The following SGCD variants were observed in gnomAD, a reference collection of about 807,000 sequenced individuals.
SGCD encodes the protein sarcoglycan delta, also known as delta-sarcoglycan.
Under a neutral mutation model 36.6 loss-of-function variants are expected in SGCD, and 18 were observed. The observed-to-expected ratio is 0.49, with a 90% CI of 0.34 to 0.73. SGCD has a LOEUF of 0.73. Ranked by LOEUF, SGCD falls within the 30% of genes least tolerant of loss-of-function variation. SGCD has a pLI of 0.01. For synonymous variants in SGCD, 133 were observed against 130.6 expected, an observed-to-expected ratio of 1.02 and a Z score of -0.12; for missense variants, 387 against 346.7, an observed-to-expected ratio of 1.12 and a Z score of -0.92.
intron 3 of SGCD, among the ~76,000 whole-genome samples, chr5:156,363,657 C>T (rs1769928896): frequency 6.6e-6 from 1 of 152,008 alleles, no homozygotes; most frequent in African/African-American, 2.4e-5. Context: ...TAAGCTGTTG[C>T]CTTTGCAGAG....
intron 3 of SGCD, among the ~76,000 whole-genome samples, chr5:156,365,913 T>TATGTGTATACAC (rs2127735127): frequency 1.8e-5 from 1 of 54,440 alleles, no homozygotes; most frequent in East Asian, 4.3e-3. Flanking sequence ...TGTATACACA[T>TATGTGTATACAC]ATATACATGT....
At chr5:156,003,847 G>C (rs769010650) in intron 1 of SGCD, among the ~76,000 whole-genome samples, 2 of 152,130 alleles carry the variant, frequency 1.3e-5, no homozygotes, top group African/African-American at 2.4e-5. Flanking sequence ...ACCTGCTACT[G>C]ATGACCCCAC....
chr5:155,877,311 A>G (rs1580966182), intron 1 of SGCD, among the ~76,000 whole-genome samples: 1 of 152,296 alleles, frequency 6.6e-6, no homozygotes, highest in South Asian at 2.1e-4. Flanking sequence ...GGGTTTGCCA[A>G]GTTACTCATG....
chr5:156,427,897 A>G (rs1002513893), intron 3 of SGCD, among the ~76,000 whole-genome samples: 2 of 152,280 alleles, frequency 1.3e-5, no homozygotes, highest in African/African-American at 2.4e-5. Flanking sequence ...CCACTTGATC[A>G]TGGTGAATTA....
the SGCD span, among the ~76,000 whole-genome samples, chr5:155,792,238 T>C: frequency 2.0e-5 from 3 of 152,178 alleles, no homozygotes; most frequent in East Asian, 1.9e-4. Context: ...CCTTTCACCA[T>C]ATATAAAAAT....
intron 1 of SGCD, among the ~76,000 whole-genome samples, chr5:155,946,123 G>C (rs1757431982): frequency 6.6e-6 from 1 of 152,130 alleles, no homozygotes; most frequent in South Asian, 2.1e-4. Flanking sequence ...GTGGTCACTG[G>C]GGTAAGAAAT....
At chr5:156,265,720 C>A (rs533351906) in intron 3 of SGCD, among the ~76,000 whole-genome samples, 399 of 151,672 alleles carry the variant, frequency 2.6e-3, no homozygotes, top group African/African-American at 9.0e-3. Context: ...GTGATCTTTC[C>A]ATGTGGGCCC....
the SGCD span, among the ~76,000 whole-genome samples, chr5:155,739,932 T>C: frequency 1.3e-5 from 2 of 152,210 alleles, no homozygotes; most frequent in Non-Finnish European, 2.9e-5. Context: ...ATTGAAATTA[T>C]AGCATGGGGA....
At chr5:155,739,918 A>T in the SGCD span, among the ~76,000 whole-genome samples, 1 of 152,004 alleles carries the variant, frequency 6.6e-6, no homozygotes, top group Non-Finnish European at 1.5e-5. Flanking sequence ...ATGGAAGTAG[A>T]ATAATTGAAA....
chr5:156,720,941 A>C (rs1281233551), intron 7 of SGCD, among the ~76,000 whole-genome samples: 1 of 152,204 alleles, frequency 6.6e-6, no homozygotes, highest in African/African-American at 2.4e-5. Flanking sequence ...TGGCAGCAGT[A>C]GACATTTCGA....
rs373638465 is a variant in SGCD at position 156,352,939 on chromosome 5, A to T, written c.192+8262A>T. On this transcript the variant is annotated intron_variant, in intron 3 of 8. Coordinates refer to ENST00000337851, the MANE Select transcript of SGCD (RefSeq NM_000337.6). ...TTTCCAAGGGCTATTTTTCATGAAG[A>T]CAAGTTGAATTTGTTCAGTGCAATG... 3.9e-5 allele frequency among the ~76,000 whole-genome samples: 6 copies of T among 152,342 alleles called. No homozygotes were observed. In the South Asian group the frequency reaches 1.2e-3, roughly 32 times the overall value.
intron 1 of SGCD, among the ~76,000 whole-genome samples, chr5:156,080,555 A>G (rs1217273166): frequency 2.6e-5 from 4 of 152,228 alleles, no homozygotes; most frequent in East Asian, 1.9e-4. Context: ...AGCATAAGCT[A>G]TTAAAAGCAG....
chr5:155,846,626 T>C, the SGCD span, among the ~76,000 whole-genome samples: 2 of 152,194 alleles, frequency 1.3e-5, no homozygotes, highest in African/African-American at 4.8e-5. Flanking sequence ...AGATTTCTCA[T>C]TGGTTCTCAG....
At chr5:156,423,391 TTATATTTTATTATAATATAA>T (rs1773503220) in intron 3 of SGCD, among the ~76,000 whole-genome samples, 1 of 59,508 alleles carries the variant, frequency 1.7e-5, no homozygotes, top group Non-Finnish European at 3.1e-5. Context: ...ATATAATATA[TTATATTTTATTATAATATAA>T]TATATTATAT....
intron 3 of SGCD, among the ~76,000 whole-genome samples, chr5:156,201,774 C>A (rs1043722275): frequency 7.9e-5 from 12 of 151,584 alleles, no homozygotes; most frequent in South Asian, 2.1e-4. Flanking sequence ...TTTCTCAGCT[C>A]GAGCCAGGGA....
At chr5:156,512,990 C>T (rs1757009364) in intron 4 of SGCD, among the ~76,000 whole-genome samples, 1 of 151,524 alleles carries the variant, frequency 6.6e-6, no homozygotes, top group African/African-American at 2.4e-5. Context: ...TAGAAGTGGT[C>T]CAGTTCATAA....
At chr5:155,988,239 C>A (rs549146605) in intron 1 of SGCD, among the ~76,000 whole-genome samples, 4 of 152,092 alleles carry the variant, frequency 2.6e-5, no homozygotes, top group Non-Finnish European at 5.9e-5. Context: ...ACTGCTGTAA[C>A]TCCAAACATC....
chr5:155,835,947 C>A, the SGCD span, among the ~76,000 whole-genome samples: 3 of 152,142 alleles, frequency 2.0e-5, no homozygotes, highest in Non-Finnish European at 2.9e-5. Context: ...AGCCTACCCA[C>A]CCTTTACTGT....
At chr5:156,696,234 A>G (rs1754313461) in intron 7 of SGCD, among the ~76,000 whole-genome samples, 1 of 152,136 alleles carries the variant, frequency 6.6e-6, no homozygotes, top group Non-Finnish European at 1.5e-5. Flanking sequence ...CTAAGCAGTG[A>G]TTCATTGTTT....
Sources: allele counts gnomAD v4.1 joint callset (sites outside exome capture counted in the v4.1 genomes callset), GRCh38; gene constraint gnomAD v4.1.1; transcripts MANE v1.5; gene names NCBI Gene and HGNC (gene_info 2026-07-23, HGNC 2026-07-21).